Variants in ASAP1 observed in about 807,000 individuals in gnomAD.
ASAP1 encodes ArfGAP with SH3 domain, ankyrin repeat and PH domain 1.
Under a neutral mutation model 145.2 loss-of-function variants are expected in ASAP1, and 43 were observed. The observed-to-expected ratio is 0.30, with a 90% CI of 0.23 to 0.38. The LOEUF is 0.38. Ranked by LOEUF, ASAP1 falls within the 10% of genes least tolerant of loss-of-function variation. The probability of loss-of-function intolerance (pLI) is 1.00; values close to 1 mark genes in which losing one functional copy is unlikely to be tolerated. For missense variants in ASAP1, 1,018 were observed against 1,355.3 expected (o/e 0.75, Z 3.91); for synonymous variants, 546 against 515.5 (o/e 1.06, Z -0.80).
chr8:130,122,033 C>G (rs763843789), intron 18 of ASAP1, among the ~76,000 whole-genome samples: 2 of 152,074 alleles, frequency 1.3e-5, no homozygotes, highest in Non-Finnish European at 2.9e-5. Flanking sequence ...CCCCTTGGGG[C>G]ACCCATATGA....
At chr8:130,326,904 T>TA (rs1339266140) in intron 3 of ASAP1, among the ~76,000 whole-genome samples, 1 of 152,164 alleles carries the variant, frequency 6.6e-6, no homozygotes, top group African/African-American at 2.4e-5. Context: ...CAAGTCATCT[T>TA]AATTTAGCCT....
At chr8:130,344,275 A>AC (rs1825567246) in intron 3 of ASAP1, among the ~76,000 whole-genome samples, 1 of 151,612 alleles carries the variant, frequency 6.6e-6, no homozygotes, top group South Asian at 2.1e-4. Context: ...TAAATAAACC[A>AC]TTTTTTTTTA....
chr8:130,140,638 T>G (rs188393668), intron 13 of ASAP1, among the ~76,000 whole-genome samples: 1 of 152,226 alleles, frequency 6.6e-6, no homozygotes, highest in Non-Finnish European at 1.5e-5. Context: ...GATGACGTTA[T>G]GATGTTTATT....
At chr8:130,058,224 G>A (rs935944084) in intron 28 of ASAP1, 148 bp from the exon 29 acceptor site, 2 of 818,340 alleles carry the variant, frequency 2.4e-6, no homozygotes, top group Non-Finnish European at 3.9e-6. Context: ...GAAGAAGAGT[G>A]TCTGTCAGGC....
intron 2 of ASAP1, among the ~76,000 whole-genome samples, chr8:130,366,787 G>A (rs1032914789): frequency 2.0e-5 from 3 of 151,788 alleles, no homozygotes; most frequent in Non-Finnish European, 2.9e-5. Flanking sequence ...GATAATCTGT[G>A]CAAATGCTTA....
chr8:130,169,937 G>A (rs1221232586), intron 9 of ASAP1, among the ~76,000 whole-genome samples: 1 of 152,130 alleles, frequency 6.6e-6, no homozygotes, highest in East Asian at 1.9e-4. Context: ...TTCCACTCAG[G>A]AACCCAGTCT....
chr8:130,318,499 G>A (rs908957236), intron 3 of ASAP1, among the ~76,000 whole-genome samples: 2 of 152,178 alleles, frequency 1.3e-5, no homozygotes, highest in African/African-American at 2.4e-5. Flanking sequence ...ACATTTTCAC[G>A]AACATCTCCT....
chr8:130,076,388 A>G lies in ASAP1; in HGVS notation c.2661T>C (p.Thr887=). ...SQQSSTSSAK[T]ALGPRVLPKL... is the part of the protein sequence containing the mutation. ...TAGGAAGAACTCTTGGGCCAAGGGC[A>G]GTCTTTGCAGAACTGGTGCTAATCA... The change falls in exon 27 of 30, where the codon ACT becomes ACC. Residue 887 remains threonine, a synonymous_variant. Transcript: ENST00000518721. 6.2e-7 allele frequency: 1 copy of G among 1,612,110 alleles called. No individual in the cohort carries two copies. The highest frequency in any genetic ancestry group is 8.5e-7 in the Non-Finnish European group (1 of 1,179,184).
chr8:130,080,119 A>G, intron 25 of ASAP1, 148 bp from the exon 26 acceptor site: 2 of 693,330 alleles, frequency 2.9e-6, no homozygotes, highest in Non-Finnish European at 5.1e-6. Flanking sequence ...TTTCTGGCCT[A>G]AGACCAAAAC....
intron 2 of ASAP1, among the ~76,000 whole-genome samples, chr8:130,373,107 CATAT>C (rs755969787): frequency 4.0e-4 from 16 of 40,130 alleles, no homozygotes; most frequent in Non-Finnish European, 4.8e-4. Flanking sequence ...CACAGAAATA[CATAT>C]ACACACACAC....
intron 2 of ASAP1, among the ~76,000 whole-genome samples, chr8:130,376,564 A>G (rs1212743354): frequency 3.9e-5 from 6 of 152,128 alleles, no homozygotes. Flanking sequence ...CGTCGCTACT[A>G]AAAATACAAA....
At chr8:130,068,103 A>T (rs73405562) in intron 27 of ASAP1, among the ~76,000 whole-genome samples, 2 of 152,224 alleles carry the variant, frequency 1.3e-5, no homozygotes, top group Non-Finnish European at 2.9e-5. Context: ...TACTAAAGGT[A>T]AAAGTTACCA....
chr8:130,127,803 G>T, intron 16 of ASAP1, 124 bp downstream of exon 16: 1 of 1,059,746 alleles, frequency 9.4e-7, no homozygotes, highest in East Asian at 2.8e-5. Flanking sequence ...TTGGGAATAC[G>T]TGTTTTGTGT....
At chr8:130,426,173 T>A (rs1336376385) in intron 1 of ASAP1, among the ~76,000 whole-genome samples, 1 of 152,096 alleles carries the variant, frequency 6.6e-6, no homozygotes, top group Non-Finnish European at 1.5e-5. Context: ...GAGATCCGCT[T>A]GTTTAAAAGT....
intron 3 of ASAP1, among the ~76,000 whole-genome samples, chr8:130,247,771 G>GC (rs1818939398): frequency 6.6e-6 from 1 of 152,188 alleles, no homozygotes; most frequent in Non-Finnish European, 1.5e-5. Context: ...AGCATAGTGA[G>GC]TGTCAGTTAA....
At chr8:130,442,931 A>C (rs1587065575) in intron 1 of ASAP1, among the ~76,000 whole-genome samples, 1 of 149,388 alleles carries the variant, frequency 6.7e-6, no homozygotes, top group African/African-American at 2.5e-5. Context: ...TCCAAGTAGG[A>C]CTCCCCCCAC....
chr8:130,287,656 C>T (rs907159952), intron 3 of ASAP1, among the ~76,000 whole-genome samples: 6 of 152,190 alleles, frequency 3.9e-5, no homozygotes, highest in African/African-American at 1.4e-4. Context: ...TTGAATTTCT[C>T]CTCTGCAAAA....
chr8:130,329,016 A>G (rs977515704), intron 3 of ASAP1, among the ~76,000 whole-genome samples: 11 of 152,118 alleles, frequency 7.2e-5, no homozygotes, highest in Admixed American at 1.3e-4. Context: ...TCAGAATATG[A>G]TATCTGCTGG....
chr8:130,179,222 C>T, intron 9 of ASAP1, 42 bp downstream of exon 9: 3 of 1,183,536 alleles, frequency 2.5e-6, no homozygotes, highest in South Asian at 2.5e-5. Context: ...GTACAGGGGG[C>T]AGTAATTGGG....
Sources: allele counts gnomAD v4.1 joint callset (sites outside exome capture counted in the v4.1 genomes callset), GRCh38; gene constraint gnomAD v4.1.1; transcripts MANE v1.5; gene names NCBI Gene and HGNC (gene_info 2026-07-23, HGNC 2026-07-21).